The following DDX60L variants were observed in gnomAD, a reference collection of about 807,000 sequenced individuals.
DDX60L encodes probable ATP-dependent RNA helicase DDX60-like.
In DDX60L, 191 loss-of-function variants were observed where a neutral mutation model predicts 211.6. The ratio of observed to expected loss-of-function variants is 0.90; its 90% confidence interval spans 0.80 to 1.02. The LOEUF (loss-of-function observed/expected upper bound fraction) is 1.02, where lower values mean the gene tolerates loss of function less well. Among genes scored for constraint, DDX60L ranks in the 50% least tolerant of loss-of-function variants. DDX60L has a pLI of 0.00. For missense variants in DDX60L, 2,007 were observed against 1,984.1 expected (o/e 1.01, Z -0.22); for synonymous variants, 706 against 694.1 (o/e 1.02, Z -0.27).
At chr4:168,380,090 G>A in intron 30 of DDX60L, 1 of 324,284 alleles carries the variant, frequency 3.1e-6, no homozygotes, top group South Asian at 8.6e-5. Context: ...CTGAAACAGT[G>A]GTGACCAATA....
intron 1 of DDX60L, among the ~76,000 whole-genome samples, chr4:168,477,287 C>T (rs569652910): frequency 1.3e-4 from 20 of 152,048 alleles, no homozygotes; most frequent in South Asian, 2.1e-4. Flanking sequence ...TGGTGGCAGG[C>T]GCCTGTAGTC....
chr4:168,422,999 G>GTGTGTGTGTGTGTGTGTTA (rs551448406), intron 15 of DDX60L, among the ~76,000 whole-genome samples: 1 of 137,510 alleles, frequency 7.3e-6, no homozygotes, highest in Non-Finnish European at 1.6e-5. Flanking sequence ...GTGTGTGTGT[G>GTGTGTGTGTGTGTGTGTTA]TTGTAGAGAC....
intron 13 of DDX60L, among the ~76,000 whole-genome samples, chr4:168,429,149 TTTTC>T (rs1326747466): frequency 6.6e-6 from 1 of 152,092 alleles, no homozygotes; most frequent in African/African-American, 2.4e-5. Context: ...CAAAAATTCC[TTTTC>T]TTTTTTTTTT....
chr4:168,365,621 T>A (rs2149605582), intron 36 of DDX60L, among the ~76,000 whole-genome samples: 1 of 151,968 alleles, frequency 6.6e-6, no homozygotes, highest in Non-Finnish European at 1.5e-5. Context: ...ACCAATCCTC[T>A]TCAAGCTATT....
At chr4:168,389,761 A>G (rs550503989) in intron 29 of DDX60L, among the ~76,000 whole-genome samples, 5 of 152,214 alleles carry the variant, frequency 3.3e-5, no homozygotes, top group African/African-American at 4.8e-5. Context: ...TAGTTGGAAG[A>G]TGTGTCAAAA....
intron 4 of DDX60L, chr4:168,471,509 C>T (rs2150142950): frequency 5.9e-6 from 2 of 337,310 alleles, no homozygotes; most frequent in East Asian, 1.1e-4. Context: ...AGGCTCTGTG[C>T]CTGATCTATA....
chr4:168,361,460 G>T lies in DDX60L; in HGVS notation c.4929-249C>A, dbSNP rs370982061. 14 of 314,136 alleles carry T rather than the reference G, an allele frequency of 4.5e-5. 1 individual carries two copies. The highest frequency in any genetic ancestry group is 3.0e-4 in the African/African-American group (14 of 47,126). The allele number at this position is 314,136 out of a possible 1,614,324, so 19.5% of individuals were successfully genotyped here. A position where few individuals can be genotyped will look rare whatever the true frequency, so the allele number is the denominator to read the frequency against. On this transcript the variant is annotated intron_variant, in intron 36 of 37. Transcript: ENST00000682922. ...TGAAATATAAAAGTAAAGCATAGAA[G>T]GGTCAATGAGGACTACAGATTAAAG...
At chr4:168,385,882 G>C (rs995211622) in intron 29 of DDX60L, among the ~76,000 whole-genome samples, 2 of 151,962 alleles carry the variant, frequency 1.3e-5, no homozygotes, top group African/African-American at 4.8e-5. Flanking sequence ...AACACAAATG[G>C]AATCTGCTCT....
intron 28 of DDX60L, among the ~76,000 whole-genome samples, chr4:168,393,508 T>C (rs1282800850): frequency 6.6e-6 from 1 of 151,704 alleles, no homozygotes; most frequent in Non-Finnish European, 1.5e-5. Context: ...AAAAAAAAGA[T>C]TACAAAATAA....
At chr4:168,462,084 C>G in intron 4 of DDX60L, 44 bp from the exon 5 acceptor site, 1 of 1,382,128 alleles carries the variant, frequency 7.2e-7, no homozygotes, top group East Asian at 2.4e-5. Flanking sequence ...TCAAATCTTC[C>G]TTTACTTATT....
chr4:168,375,981 A>G (rs12509086), intron 33 of DDX60L, among the ~76,000 whole-genome samples: 54,005 of 152,120 alleles, frequency 0.36, 11,731 homozygotes, highest in East Asian at 0.6. Flanking sequence ...AAACATTTTC[A>G]TCTACATTTT....
chr4:168,467,892 C>A (rs7661963), intron 4 of DDX60L, among the ~76,000 whole-genome samples: 44,510 of 152,098 alleles, frequency 0.29, 6,952 homozygotes, highest in African/African-American at 0.4. Flanking sequence ...ATTGGCCTGG[C>A]ACGGTGGCTC....
At chr4:168,368,571 G>T (rs1267427943) in intron 36 of DDX60L, among the ~76,000 whole-genome samples, 2 of 152,216 alleles carry the variant, frequency 1.3e-5, no homozygotes, top group African/African-American at 4.8e-5. Context: ...GCCTAGTGGA[G>T]CTGTGAGAAG....
chr4:168,390,164 A>G (rs1744548954), intron 29 of DDX60L: 2 of 994,696 alleles, frequency 2.0e-6, no homozygotes, highest in African/African-American at 1.7e-5. Context: ...GCAGGATAAC[A>G]AAGTAGTTCC....
At chr4:168,406,764 C>A (rs1579431940) in intron 22 of DDX60L, 58 bp from the exon 23 acceptor site, 2 of 1,248,614 alleles carry the variant, frequency 1.6e-6, no homozygotes, top group East Asian at 2.6e-5. Context: ...GTTTATATTT[C>A]TTTTATTTTA....
intron 27 of DDX60L, among the ~76,000 whole-genome samples, chr4:168,394,918 T>C (rs1745511056): frequency 6.6e-6 from 1 of 152,218 alleles, no homozygotes; most frequent in East Asian, 1.9e-4. Flanking sequence ...GACAGACTAC[T>C]TCTCTACTGG....
chr4:168,457,641 A>ACTACAATTT (rs1756769022), intron 6 of DDX60L, among the ~76,000 whole-genome samples: 1 of 152,184 alleles, frequency 6.6e-6, no homozygotes, highest in Non-Finnish European at 1.5e-5. Flanking sequence ...TGCATTAAGT[A>ACTACAATTT]CTACAATTTT....
intron 35 of DDX60L, among the ~76,000 whole-genome samples, chr4:168,372,624 G>A (rs560871023): frequency 1.3e-5 from 2 of 152,128 alleles, no homozygotes; most frequent in South Asian, 4.2e-4. Flanking sequence ...GTATATGGGA[G>A]ACTGAGGTGG....
At chr4:168,471,631 G>A in intron 4 of DDX60L, 116 bp downstream of exon 4, 1 of 799,224 alleles carries the variant, frequency 1.3e-6, no homozygotes, top group Non-Finnish European at 1.9e-6. Context: ...TTGTTAACCT[G>A]TCTTTTTATA....
Sources: gnomAD v4.1 joint callset for allele counts (sites outside exome capture counted in the v4.1 genomes callset) on GRCh38, gnomAD v4.1.1 for gene constraint, MANE v1.5 for transcripts, NCBI Gene and HGNC (gene_info 2026-07-23, HGNC 2026-07-21) for gene names.